The following PDS5A variants were observed in gnomAD, a reference collection of about 807,000 sequenced individuals.
PDS5A encodes PDS5 cohesin associated factor A, also known as sister chromatid cohesion protein PDS5 homolog A.
In PDS5A, 42 loss-of-function variants were observed where a neutral mutation model predicts 167.1. The ratio of observed to expected loss-of-function variants is 0.25; its 90% CI spans 0.20 to 0.33. The LOEUF (loss-of-function observed/expected upper bound fraction) is 0.33, where lower values mean the gene tolerates loss of function less well. Ranked by LOEUF, PDS5A falls within the 10% of genes least tolerant of loss-of-function variation. The pLI, the probability that PDS5A is intolerant of heterozygous loss-of-function variation, is 1.00. For synonymous variants in PDS5A, 553 were observed against 554.6 expected, an observed-to-expected ratio of 1.00 and a Z score of 0.04; for missense variants, 1,033 against 1,605.9, an observed-to-expected ratio of 0.64 and a Z score of 6.10.
intron 9 of PDS5A, among the ~76,000 whole-genome samples, chr4:39,913,089 C>CTT (rs57878074): frequency 2.8e-5 from 4 of 143,822 alleles, no homozygotes; most frequent in African/African-American, 7.7e-5. Context: ...TAATGACTTT[C>CTT]TTTTTTTTTT....
At chr4:39,885,179 A>G (rs1428429832) in intron 17 of PDS5A, among the ~76,000 whole-genome samples, 2 of 146,548 alleles carry the variant, frequency 1.4e-5, no homozygotes, top group African/African-American at 2.5e-5. Context: ...CGGGAGGCAG[A>G]GGTGGCAGTG....
At position 39,973,503 on chromosome 4, in the gene PDS5A, A is replaced by T. The variant is rs539073556; in HGVS notation, c.138+2937T>A. The T allele has an allele frequency of 9.2e-5, 122 of 1,330,962 alleles. 1 individual carries two copies. The African/African-American group carries it at 1.7e-3, about 18-fold the overall frequency. 82.4% of individuals were successfully genotyped at this position (1,330,962 alleles called of 1,614,324 possible). A position where few individuals can be genotyped will look rare whatever the true frequency, so the allele number is the denominator to read the frequency against. On this transcript the variant is annotated intron_variant, in intron 2 of 32. Transcript: ENST00000303538. ...ATCTTGATGATAGTATTGATGATGA[A>T]CGTCTCCAGAAAGAGTTTTCTCCAT...
intron 32 of PDS5A, among the ~76,000 whole-genome samples, chr4:39,827,933 T>C (rs192700923): frequency 5.6e-4 from 85 of 152,286 alleles, no homozygotes; most frequent in African/African-American, 1.9e-3. Context: ...TCAGAACATA[T>C]TTTCAATTCA....
chr4:39,858,536 C>G (rs755750505), intron 26 of PDS5A, among the ~76,000 whole-genome samples: 1 of 152,184 alleles, frequency 6.6e-6, no homozygotes, highest in Non-Finnish European at 1.5e-5. Context: ...GAATGTTTAC[C>G]TTATACCACA....
intron 11 of PDS5A, among the ~76,000 whole-genome samples, chr4:39,905,383 C>T (rs1431019771): frequency 2.0e-5 from 3 of 151,468 alleles, no homozygotes; most frequent in Admixed American, 6.6e-5. Context: ...AATGGTGAAA[C>T]CCGGTCTCTA....
intron 28 of PDS5A, chr4:39,847,866 G>A (rs1393140927): frequency 6.6e-6 from 1 of 152,204 alleles, no homozygotes; most frequent in Admixed American, 6.5e-5. Context: ...TATGGGTCAT[G>A]GGTCTGCGGC....
chr4:39,959,455 G>A (rs1411626973), intron 2 of PDS5A, among the ~76,000 whole-genome samples: 1 of 152,036 alleles, frequency 6.6e-6, no homozygotes, highest in Non-Finnish European at 1.5e-5. Context: ...AGGCTCAGGT[G>A]ATCCTTCCAA....
chr4:39,975,239 G>A (rs1242424967), intron 2 of PDS5A, among the ~76,000 whole-genome samples: 1 of 151,962 alleles, frequency 6.6e-6, no homozygotes, highest in Non-Finnish European at 1.5e-5. Flanking sequence ...TCCCGCCGCC[G>A]CACACAGATT....
At chr4:39,860,262 G>A (rs1718873477) in intron 26 of PDS5A, among the ~76,000 whole-genome samples, 1 of 151,800 alleles carries the variant, frequency 6.6e-6, no homozygotes, top group African/African-American at 2.4e-5. Context: ...CCAGTAGTTG[G>A]GAGACCAGCC....
At chr4:39,876,093 A>G (rs1720437736) in intron 19 of PDS5A, among the ~76,000 whole-genome samples, 1 of 151,948 alleles carries the variant, frequency 6.6e-6, no homozygotes, top group East Asian at 1.9e-4. Context: ...CTCATTTTCA[A>G]CTGTGTCCTT....
chr4:39,861,406 C>T (rs1014834881), intron 26 of PDS5A, among the ~76,000 whole-genome samples: 1 of 151,976 alleles, frequency 6.6e-6, no homozygotes, highest in African/African-American at 2.4e-5. Flanking sequence ...TGCAGTGAGC[C>T]AAGATCGTGC....
chr4:39,826,763 G>A (rs1715365220), intron 32 of PDS5A, among the ~76,000 whole-genome samples: 1 of 152,024 alleles, frequency 6.6e-6, no homozygotes, highest in African/African-American at 2.4e-5. Flanking sequence ...GGGATTACAG[G>A]CATGAACCAC....
At position 39,900,513 on chromosome 4, in the gene PDS5A, A is replaced by G; in HGVS notation, c.1500-6T>C. ...TCCACATTTCGTTGAGAGCTCTGTA[A>G]AGTTATGAATATGAAAACACACATT... On this transcript the variant is annotated splice_polypyrimidine_tract_variant and splice_region_variant and intron_variant, in intron 13 of 32. Coordinates refer to ENST00000303538, the MANE Select transcript of PDS5A (RefSeq NM_001100399.2). The G allele has an allele frequency of 6.5e-7, 1 of 1,549,332 alleles. No individual in the cohort carries two copies. The highest frequency in any genetic ancestry group is 1.4e-5 in the African/African-American group (1 of 73,966).
chr4:39,955,601 A>T (rs546725278), intron 2 of PDS5A, among the ~76,000 whole-genome samples: 6 of 152,004 alleles, frequency 3.9e-5, no homozygotes, highest in Admixed American at 3.3e-4. Context: ...ACTCTGTCAT[A>T]AAAAAACAAC....
At chr4:39,899,345 T>C (rs1722681756) in intron 14 of PDS5A, among the ~76,000 whole-genome samples, 1 of 152,204 alleles carries the variant, frequency 6.6e-6, no homozygotes, top group African/African-American at 2.4e-5. Context: ...TTAGTTTTCA[T>C]TTATACTAAA....
chr4:39,903,763 C>G (rs926324413), intron 12 of PDS5A, among the ~76,000 whole-genome samples: 3 of 152,098 alleles, frequency 2.0e-5, no homozygotes, highest in African/African-American at 7.2e-5. Flanking sequence ...TAATAAAGGG[C>G]AGAGTGAACA....
chr4:39,898,803 A>G lies in PDS5A; in HGVS notation c.1604T>C (p.Met535Thr). 3 of 1,592,184 alleles carry G rather than the reference A, an allele frequency of 1.9e-6. No homozygotes were observed. The highest frequency in any genetic ancestry group is 8.6e-7 in the Non-Finnish European group (1 of 1,166,738). ...TGCTATGGTCATCAGTTTTCCAAAC[A>G]TGGCAGAACAGTTAGCCTCTGACTG... ...QPTSEANCSA[M>T]FGKLMTIAKN... Residue 535 changes from methionine (M) to threonine (T), a missense_variant, in exon 15 of 33, where the codon ATG (methionine) becomes ACG (threonine). By Grantham distance (81) the Met-to-Thr change is moderately conservative. Transcript: ENST00000303538.
intron 2 of PDS5A, among the ~76,000 whole-genome samples, chr4:39,948,123 G>C (rs553303604): frequency 6.7e-6 from 1 of 148,924 alleles, no homozygotes; most frequent in African/African-American, 2.5e-5. Context: ...ATGGTAGCAC[G>C]TACCAGTAGT....
intron 26 of PDS5A, among the ~76,000 whole-genome samples, chr4:39,859,414 G>A (rs1267701623): frequency 6.6e-6 from 1 of 152,084 alleles, no homozygotes; most frequent in Non-Finnish European, 1.5e-5. Context: ...CCAAGTAGCT[G>A]GGATTACAGG....
Sources: gnomAD v4.1 joint callset for allele counts (sites outside exome capture counted in the v4.1 genomes callset) on GRCh38, gnomAD v4.1.1 for gene constraint, MANE v1.5 for transcripts, NCBI Gene and HGNC (gene_info 2026-07-23, HGNC 2026-07-21) for gene names.